GSK3B: variants seen among roughly 807,000 people sequenced by gnomAD.
The protein encoded by GSK3B is glycogen synthase kinase-3 beta.
GSK3B carries 15 observed loss-of-function variants against 56.4 expected under a neutral mutation model. The observed-to-expected ratio is 0.27, with a 90% CI of 0.18 to 0.41. The LOEUF is 0.41. Among genes scored for constraint, GSK3B ranks in the 10% least tolerant of loss-of-function variants. The pLI is 1.00. For missense variants in GSK3B, 300 were observed against 513.4 expected (o/e 0.58, Z 4.02); for synonymous variants, 181 against 188.9 (o/e 0.96, Z 0.34).
intron 1 of GSK3B, among the ~76,000 whole-genome samples, chr3:120,038,568 T>C (rs2058040767): frequency 6.6e-6 from 1 of 152,158 alleles, no homozygotes; most frequent in African/African-American, 2.4e-5. Flanking sequence ...CAAAAAGGGA[T>C]GGCAGTCTTT....
intron 1 of GSK3B, among the ~76,000 whole-genome samples, chr3:120,042,860 G>A (rs2058074738): frequency 6.6e-6 from 1 of 152,126 alleles, no homozygotes; most frequent in Admixed American, 6.5e-5. Context: ...CAGTTGCCAT[G>A]GACCAAATGT....
rs1052888843 is a variant in GSK3B, at chr3:119,824,594, T to C, written c.*2194A>G. On this transcript the variant is annotated 3_prime_UTR_variant, in exon 11 of 11. Transcript: ENST00000264235. Reference sequence around the variant, plus strand: ...ATTCTTTATAAATTCTGTCTGAAAATGGTCTATCAACGCCACTACCTTTAA... The same window carrying C: ...ATTCTTTATAAATTCTGTCTGAAAACGGTCTATCAACGCCACTACCTTTAA... 1 of 206,494 alleles carries C rather than the reference T, an allele frequency of 4.8e-6. No individual in the cohort carries two copies. The highest frequency in any genetic ancestry group is 9.9e-6 in the Non-Finnish European group (1 of 101,210). 12.8% of individuals were successfully genotyped at this position (206,494 alleles called of 1,614,324 possible).
At position 120,048,937 on chromosome 3, in the gene GSK3B, A is replaced by G. The variant is rs569742978; in HGVS notation, c.88+44410T>C. ...CCTAACCAATGACACAAAACATTCAATGAAAGTCAATCAAATTCCCAAGTA... is the reference window on the plus strand; with the variant it reads ...CCTAACCAATGACACAAAACATTCAGTGAAAGTCAATCAAATTCCCAAGTA... On this transcript the variant is annotated intron_variant, in intron 1 of 10. Transcript: ENST00000264235. Among the ~76,000 whole-genome samples the G allele has an allele frequency of 6.6e-5, 10 of 152,344 alleles. No homozygotes were observed. In the South Asian group the frequency reaches 1.0e-3, roughly 16 times the overall value.
intron 3 of GSK3B, among the ~76,000 whole-genome samples, chr3:119,938,982 A>T (rs372143845): frequency 3.3e-5 from 5 of 151,352 alleles, no homozygotes; most frequent in African/African-American, 1.2e-4. Context: ...TAGTAAAAAG[A>T]TCTAGTTAAA....
intron 1 of GSK3B, among the ~76,000 whole-genome samples, chr3:120,017,401 A>T (rs1221896975): frequency 6.6e-6 from 1 of 152,086 alleles, no homozygotes; most frequent in Non-Finnish European, 1.5e-5. Flanking sequence ...ATATTTTTTA[A>T]ATCAATTAGG....
intron 1 of GSK3B, among the ~76,000 whole-genome samples, chr3:120,028,126 A>G (rs1208368613): frequency 6.6e-6 from 1 of 152,232 alleles, no homozygotes; most frequent in African/African-American, 2.4e-5. Flanking sequence ...TTCAGCACAG[A>G]AAAGAGTGAC....
intron 9 of GSK3B, among the ~76,000 whole-genome samples, chr3:119,850,013 GATGTAAATCTATAGATGTATGTA>G (rs1174357180): frequency 1.3e-5 from 2 of 151,086 alleles, no homozygotes; most frequent in Middle Eastern, 3.2e-3. Flanking sequence ...TAGTTTTATA[GATGTAAATCTATAGATGTATGTA>G]ATGTAAATCT....
Position 119,826,372 on chromosome 3 carries a change from G to C in GSK3B, c.*416C>G. On this transcript the variant is annotated 3_prime_UTR_variant, in exon 11 of 11. Transcript: ENST00000264235. ...TGCACTATACCAAAGTCTCACACTA[G>C]ACTTTAAAAGAAAACAAAGTTCAAA... 2.4e-6 allele frequency: 1 copy of C among 409,762 alleles called. No individual in the cohort carries two copies. The highest frequency in any genetic ancestry group is 4.5e-6 in the Non-Finnish European group (1 of 220,838). 25.4% of individuals were successfully genotyped at this position (409,762 alleles called of 1,614,324 possible).
At chr3:119,979,224 G>A (rs1449942997) in intron 2 of GSK3B, among the ~76,000 whole-genome samples, 2 of 152,142 alleles carry the variant, frequency 1.3e-5, no homozygotes, top group Non-Finnish European at 2.9e-5. Context: ...ATGGCAAGAG[G>A]TTCTCTATAT....
intron 9 of GSK3B, among the ~76,000 whole-genome samples, chr3:119,862,933 T>C (rs1198838071): frequency 1.3e-5 from 2 of 152,112 alleles, no homozygotes; most frequent in Non-Finnish European, 2.9e-5. Context: ...GAAATTTCCT[T>C]GTGTCTATTG....
intron 2 of GSK3B, among the ~76,000 whole-genome samples, chr3:119,984,007 T>G (rs2057489452): frequency 1.3e-5 from 2 of 152,154 alleles, no homozygotes; most frequent in Admixed American, 6.5e-5. Context: ...ACAAACTGTC[T>G]CATAGACCAC....
chr3:119,965,057 T>A (rs1463541630), intron 2 of GSK3B, among the ~76,000 whole-genome samples: 28 of 121,598 alleles, frequency 2.3e-4, no homozygotes, highest in East Asian at 1.8e-3. Flanking sequence ...TTTTTTTTTT[T>A]AATTTTTTTT....
chr3:120,053,259 T>C (rs1397350926), intron 1 of GSK3B, among the ~76,000 whole-genome samples: 1 of 152,146 alleles, frequency 6.6e-6, no homozygotes, highest in East Asian at 1.9e-4. Context: ...ATCACTCAAA[T>C]CTGGGAGGCG....
At chr3:119,934,304 T>G (rs1178603469) in intron 3 of GSK3B, among the ~76,000 whole-genome samples, 1 of 152,198 alleles carries the variant, frequency 6.6e-6, no homozygotes, top group Non-Finnish European at 1.5e-5. Flanking sequence ...GTCCTTGATA[T>G]GATGTGATGA....
At chr3:119,999,954 TG>T (rs2057660154) in intron 2 of GSK3B, among the ~76,000 whole-genome samples, 1 of 152,212 alleles carries the variant, frequency 6.6e-6, no homozygotes, top group Non-Finnish European at 1.5e-5. Context: ...AGAAGATTTA[TG>T]GGCAAGAGAA....
intron 2 of GSK3B, among the ~76,000 whole-genome samples, chr3:119,992,359 C>G (rs1576254431): frequency 1.3e-5 from 2 of 152,156 alleles, no homozygotes; most frequent in East Asian, 3.9e-4. Flanking sequence ...TCTCAAATAA[C>G]TGGAACAAAG....
At chr3:119,850,094 C>CCTTAGAT (rs2055907874) in intron 9 of GSK3B, among the ~76,000 whole-genome samples, 1 of 150,948 alleles carries the variant, frequency 6.6e-6, no homozygotes, top group Non-Finnish European at 1.5e-5. Flanking sequence ...GTCATTTTGG[C>CCTTAGAT]CTTAGATAAG....
intron 9 of GSK3B, among the ~76,000 whole-genome samples, chr3:119,855,717 AC>A (rs1459822977): frequency 6.6e-6 from 1 of 152,126 alleles, no homozygotes; most frequent in Non-Finnish European, 1.5e-5. Context: ...TTCTGAGCAA[AC>A]TATCGCAAGG....
chr3:120,053,065 T>C (rs888295456), intron 1 of GSK3B, among the ~76,000 whole-genome samples: 16 of 152,204 alleles, frequency 1.1e-4, no homozygotes, highest in African/African-American at 3.9e-4. Flanking sequence ...AGGCCGGGCA[T>C]GGTGCTCATG....
Sources: allele counts gnomAD v4.1 joint callset (sites outside exome capture counted in the v4.1 genomes callset), GRCh38; gene constraint gnomAD v4.1.1; transcripts MANE v1.5; gene names NCBI Gene and HGNC (gene_info 2026-07-23, HGNC 2026-07-21).